Variants in RNLS observed in about 807,000 individuals in gnomAD.
The protein encoded by RNLS is renalase.
Under a neutral mutation model 39.8 loss-of-function variants are expected in RNLS, and 39 were observed. The observed-to-expected ratio is 0.98, with a 90% CI of 0.76 to 1.28. The LOEUF is 1.28. RNLS is among the 50% of genes most tolerant of loss of function. The probability of loss-of-function intolerance (pLI) is 0.00; values close to 1 mark genes in which losing one functional copy is unlikely to be tolerated. For missense variants in RNLS, 410 were observed against 413.3 expected, an observed-to-expected ratio of 0.99 and a Z score of 0.07; for synonymous variants, 147 against 150.7, an observed-to-expected ratio of 0.98 and a Z score of 0.18.
At chr10:88,392,633 C>T (rs1407067474) in intron 4 of RNLS, among the ~76,000 whole-genome samples, 1 of 152,274 alleles carries the variant, frequency 6.6e-6, no homozygotes, top group African/African-American at 2.4e-5. Context: ...TTAGCTCAAA[C>T]AAAACAAGCA....
At chr10:88,527,710 G>T (rs1847189126) in intron 4 of RNLS, among the ~76,000 whole-genome samples, 1 of 152,056 alleles carries the variant, frequency 6.6e-6, no homozygotes, top group Non-Finnish European at 1.5e-5. Flanking sequence ...CTTCCAGTTG[G>T]CATTTTAGTT....
intron 4 of RNLS, among the ~76,000 whole-genome samples, chr10:88,417,009 A>G (rs149389643): frequency 2.5e-4 from 38 of 152,328 alleles, no homozygotes; most frequent in African/African-American, 8.9e-4. Flanking sequence ...TTCCGCAAGG[A>G]AAGTTTCTGA....
the RNLS span, among the ~76,000 whole-genome samples, chr10:88,177,571 C>A: frequency 6.6e-6 from 1 of 152,144 alleles, no homozygotes; most frequent in Non-Finnish European, 1.5e-5. Context: ...CATTTTCAGG[C>A]ATTTCATAGA....
chr10:88,409,756 T>C (rs1270094654), intron 4 of RNLS, among the ~76,000 whole-genome samples: 3 of 152,174 alleles, frequency 2.0e-5, no homozygotes, highest in Non-Finnish European at 4.4e-5. Flanking sequence ...TCATTTCTGA[T>C]GACTGGCAAC....
chr10:88,401,402 A>G (rs181509259), intron 4 of RNLS, among the ~76,000 whole-genome samples: 2 of 152,078 alleles, frequency 1.3e-5, no homozygotes, highest in Non-Finnish European at 2.9e-5. Context: ...TAGCATTCAC[A>G]GCCTCAGAAT....
chr10:88,258,554 T>G, the RNLS span, among the ~76,000 whole-genome samples: 1 of 152,232 alleles, frequency 6.6e-6, no homozygotes, highest in South Asian at 2.1e-4. Flanking sequence ...ATAAACTGTC[T>G]AATCATGGCT....
intron 4 of RNLS, among the ~76,000 whole-genome samples, chr10:88,502,156 G>A (rs528130177): frequency 1.3e-5 from 2 of 152,104 alleles, no homozygotes; most frequent in East Asian, 3.9e-4. Context: ...TGTTTAAAAT[G>A]CAGATTTCTT....
At chr10:88,387,553 CTG>C (rs1851946664) in intron 4 of RNLS, among the ~76,000 whole-genome samples, 1 of 143,998 alleles carries the variant, frequency 6.9e-6, no homozygotes, top group African/African-American at 2.6e-5. Flanking sequence ...GTGGTGGAGA[CTG>C]AGACAAAAAT....
chr10:88,446,756 A>C (rs1842057449), intron 4 of RNLS, among the ~76,000 whole-genome samples: 1 of 152,190 alleles, frequency 6.6e-6, no homozygotes. Context: ...TCGATGCAAA[A>C]ATCCTCAATA....
chr10:88,522,139 C>T (rs1846786237), intron 4 of RNLS, among the ~76,000 whole-genome samples: 2 of 152,020 alleles, frequency 1.3e-5, no homozygotes, highest in African/African-American at 2.4e-5. Flanking sequence ...TGCACCCTTG[C>T]TTTGGGCTGA....
intron 4 of RNLS, among the ~76,000 whole-genome samples, chr10:88,417,316 G>A (rs1854091989): frequency 6.6e-6 from 1 of 151,966 alleles, no homozygotes; most frequent in African/African-American, 2.4e-5. Context: ...TTTTAAATTT[G>A]GTGTTTCCTT....
At chr10:88,220,142 GA>G in the RNLS span, among the ~76,000 whole-genome samples, 1 of 152,232 alleles carries the variant, frequency 6.6e-6, no homozygotes, top group Non-Finnish European at 1.5e-5. Flanking sequence ...CACAGTTGAG[GA>G]GGCTGAAAAT....
chr10:88,528,923 A>G (rs938494120), intron 4 of RNLS, among the ~76,000 whole-genome samples: 4 of 152,036 alleles, frequency 2.6e-5, no homozygotes, highest in Non-Finnish European at 5.9e-5. Flanking sequence ...CAATCAATAG[A>G]ATATCTAATG....
chr10:88,301,980 C>T (rs1433490343), intron 6 of RNLS, among the ~76,000 whole-genome samples: 1 of 152,190 alleles, frequency 6.6e-6, no homozygotes, highest in Admixed American at 6.5e-5. Context: ...CACCTCATCT[C>T]CTCCTCCTCT....
chr10:88,491,990 T>C (rs919688844), intron 4 of RNLS, among the ~76,000 whole-genome samples: 1 of 147,682 alleles, frequency 6.8e-6, no homozygotes, highest in Admixed American at 6.8e-5. Flanking sequence ...TAAAATAAAA[T>C]CAGTAGCCTA....
At chr10:88,208,165 A>G in the RNLS span, among the ~76,000 whole-genome samples, 1 of 152,018 alleles carries the variant, frequency 6.6e-6, no homozygotes, top group Non-Finnish European at 1.5e-5. Context: ...GCCAGGTTCT[A>G]ATTTCTGCTG....
the RNLS span, among the ~76,000 whole-genome samples, chr10:88,243,512 G>A: frequency 1.3e-5 from 2 of 152,196 alleles, no homozygotes; most frequent in Admixed American, 6.5e-5. Context: ...CAAAGGCAAA[G>A]CCTTAGTCCT....
At chr10:88,442,155 A>G (rs974195341) in intron 4 of RNLS, among the ~76,000 whole-genome samples, 1 of 152,178 alleles carries the variant, frequency 6.6e-6, no homozygotes, top group African/African-American at 2.4e-5. Context: ...AAGGAGTTAT[A>G]ATTCTCTTAT....
intron 4 of RNLS, among the ~76,000 whole-genome samples, chr10:88,382,312 C>CACTT (rs1158046991): frequency 6.6e-6 from 1 of 152,028 alleles, no homozygotes; most frequent in African/African-American, 2.4e-5. Flanking sequence ...TTGTGCATGA[C>CACTT]ACTTTGGCTA....
Sources: allele counts gnomAD v4.1 joint callset (sites outside exome capture counted in the v4.1 genomes callset), GRCh38; gene constraint gnomAD v4.1.1; transcripts MANE v1.5; gene names NCBI Gene and HGNC (gene_info 2026-07-23, HGNC 2026-07-21).